Variants in HDAC10 observed in about 807,000 individuals in gnomAD.
The protein encoded by HDAC10 is histone deacetylase 10.
Under a neutral mutation model 82.3 loss-of-function variants are expected in HDAC10, and 90 were observed. The ratio of observed to expected loss-of-function variants is 1.09; its 90% CI spans 0.92 to 1.30. HDAC10 has a LOEUF of 1.30. Among genes scored for constraint, HDAC10 ranks in the 50% most tolerant of loss-of-function variants. HDAC10 has a pLI of 0.00. For missense variants in HDAC10, 934 were observed against 876.3 expected, an observed-to-expected ratio of 1.07 and a Z score of -0.83; for synonymous variants, 456 against 391.7, an observed-to-expected ratio of 1.16 and a Z score of -1.94.
intron 16 of HDAC10, 83 bp downstream of exon 16, chr22:50,246,596 C>T (rs368027444): frequency 1.2e-5 from 16 of 1,387,656 alleles, no homozygotes; most frequent in East Asian, 4.6e-5. Context: ...CCCACCCACC[C>T]GTCACCCTGG....
Position 50,246,326 on chromosome 22 carries a change from A to G in HDAC10, c.1622T>C (p.Met541Thr). The G allele has an allele frequency of 6.2e-7, 1 of 1,613,126 alleles. No individual in the cohort carries two copies. The highest frequency in any genetic ancestry group is 2.2e-5 in the East Asian group (1 of 44,886). The change falls in exon 17 of 20, where the codon ATG becomes ACG. Residue 541 changes from methionine to threonine, a missense_variant. Physicochemically the swap from Met to Thr is moderately conservative, Grantham distance 81 (BLOSUM62 -1). Transcript: ENST00000216271. The part of the protein sequence containing the change: ...IRGKEAAALS[M>T]FHVSTPLPVM... The stretch of plus-strand genomic sequence containing the variant: ...TGGCAGTGGCGTGGAGACATGGAAC[A>G]TGGATAGGGCAGCCGCCTCCTTGCC...
rs768379069 is a variant in HDAC10 at position 50,248,491 on chromosome 22, C to T, written c.907-19G>A. On this transcript the variant is annotated intron_variant, in intron 10 of 19. Coordinates refer to ENST00000216271, the MANE Select transcript of HDAC10 (RefSeq NM_032019.6). The surrounding 1 kb of genome is among the most constrained non-coding windows in gnomAD (Gnocchi z 5.4). ...AGCCGCCCTGGGAGGAGGGTGGAGA[C>T]ATGATTGGGGCAGAGATATCACTGG... The T allele has an allele frequency of 1.9e-6, 3 of 1,596,808 alleles. No individual in the cohort carries two copies. Among genetic ancestry groups the T allele is most frequent in the Non-Finnish European group, 2.6e-6 (3 of 1,175,250 alleles).
At chr22:50,246,157 C>T in intron 17 of HDAC10, 65 bp from the exon 18 acceptor site, 2 of 1,555,598 alleles carry the variant, frequency 1.3e-6, no homozygotes, top group Non-Finnish European at 1.7e-6. Context: ...CTCCCAACCT[C>T]CCAATCTCAG....
At chr22:50,246,996 G>A (rs768498634) in intron 14 of HDAC10, 30 bp from the exon 15 acceptor site, 10 of 1,459,192 alleles carry the variant, frequency 6.9e-6, no homozygotes, top group South Asian at 1.2e-5. Flanking sequence ...TGGAGAATGA[G>A]GCACCAACCA....
chr22:50,248,926 G>A lies in HDAC10; in HGVS notation c.757-36C>T. Reference sequence around the variant, plus strand: ...GGCCGGAGTGGGGAGGGTCGACAGAGAGGGGCTGGAGCCCAGGTGAGGGCG... The same window carrying A: ...GGCCGGAGTGGGGAGGGTCGACAGAAAGGGGCTGGAGCCCAGGTGAGGGCG... On this transcript the variant is annotated intron_variant, in intron 8 of 19. Coordinates refer to ENST00000216271, the MANE Select transcript of HDAC10 (RefSeq NM_032019.6). This position sits in a 1 kb window ranked among gnomAD's most constrained non-coding sequence, Gnocchi z 5.4. 6.3e-7 allele frequency: 1 copy of A among 1,596,906 alleles called. No homozygotes were observed. The highest frequency in any genetic ancestry group is 8.5e-7 in the Non-Finnish European group (1 of 1,171,300).
Position 50,248,899 on chromosome 22 carries a change from C to T in HDAC10, c.757-9G>A. On this transcript the variant is annotated splice_polypyrimidine_tract_variant and intron_variant, in intron 8 of 19. Transcript: ENST00000216271. This position sits in a 1 kb window ranked among gnomAD's most constrained non-coding sequence, Gnocchi z 5.4. ...ACCAGCTCAGGGTCAAACTACAGGC[C>T]AGGCCGGAGTGGGGAGGGTCGACAG... 6.2e-7 allele frequency: 1 copy of T among 1,609,848 alleles called. No individual in the cohort carries two copies. Among genetic ancestry groups the T allele is most frequent in the Non-Finnish European group, 8.5e-7 (1 of 1,178,734 alleles).
At chr22:50,246,570 C>T (rs966576393) in intron 16 of HDAC10, 109 bp downstream of exon 16, 2 of 1,198,736 alleles carry the variant, frequency 1.7e-6, no homozygotes, top group Non-Finnish European at 1.2e-6. Flanking sequence ...AGGCTCCATT[C>T]AGTACCACAC....
intron 16 of HDAC10, 25 bp from the exon 17 acceptor site, chr22:50,246,401 G>A (rs889006872): frequency 1.3e-6 from 2 of 1,588,692 alleles, no homozygotes; most frequent in South Asian, 1.1e-5. Flanking sequence ...GTGCATAAGT[G>A]TAAGGCCCTG....
In HDAC10 at chr22:50,249,775, G is replaced by A; in HGVS notation, c.495-72C>T. The stretch of plus-strand genomic sequence containing the variant: ...CCAGGAGCCCGGCCAGGGATGGGAA[G>A]GTGCTGGCTGGGTTCTCTCGCCTCC... On this transcript the variant is annotated intron_variant, in intron 5 of 19. Transcript: ENST00000216271. This position sits in a 1 kb window ranked among gnomAD's most constrained non-coding sequence, Gnocchi z 4.4. The A allele has an allele frequency of 6.2e-7, 1 of 1,605,454 alleles. No individual in the cohort carries two copies. The highest frequency in any genetic ancestry group is 8.5e-7 in the Non-Finnish European group (1 of 1,174,786).
rs765252229 is a variant in HDAC10, at chr22:50,247,863, CCTT to C, written c.1337+24_1337+26del. The C allele has an allele frequency of 1.5e-5, 24 of 1,612,132 alleles. No individual in the cohort carries two copies. The Admixed American group carries it at 2.5e-4, about 17-fold the overall frequency. On this transcript the variant is annotated intron_variant, in intron 13 of 19. Transcript: ENST00000216271. ...GGCACAGGTGTAGATGCGGCCCCAT[CCTT>C]CTCCCCAGGCCAGCCCTGCCCACCT...
chr22:50,247,453 C>T, intron 14 of HDAC10: 1 of 461,846 alleles, frequency 2.2e-6, no homozygotes, highest in Non-Finnish European at 3.8e-6. Flanking sequence ...CTTTAAATCA[C>T]CCCCTTCACC....
rs1325679716 is a variant in HDAC10 at position 50,250,680 on chromosome 22, G to C, written c.194+91C>G. 5.0e-6 allele frequency: 7 copies of C among 1,401,452 alleles called. No homozygotes were observed. The East Asian group carries it at 9.9e-5, about 20-fold the overall frequency. The allele number at this position is 1,401,452 out of a possible 1,614,324, so 86.8% of individuals were successfully genotyped here. On this transcript the variant is annotated intron_variant, in intron 2 of 19. Transcript: ENST00000216271. ...GCATAGGGAGAGGCTCTGTATTCGAGGCTGGCAGGCTCGGGGTAGGCCCAG... is the reference window on the plus strand; with the variant it reads ...GCATAGGGAGAGGCTCTGTATTCGACGCTGGCAGGCTCGGGGTAGGCCCAG...
At position 50,250,908 on chromosome 22, in the gene HDAC10, G is replaced by A; in HGVS notation, c.60-3C>T. On this transcript the variant is annotated splice_region_variant and splice_polypyrimidine_tract_variant and intron_variant, in intron 1 of 19. Coordinates refer to ENST00000216271, the MANE Select transcript of HDAC10 (RefSeq NM_032019.6). ...GACGCTCGATCTCGCACTCGGGGCT[G>A]GGGCAGATGAGGAGCTCAGTTCAGA... is the stretch of plus-strand genomic sequence containing the variant. The A allele has an allele frequency of 6.2e-7, 1 of 1,604,074 alleles. No individual in the cohort carries two copies. Among genetic ancestry groups the A allele is most frequent in the Non-Finnish European group, 8.5e-7 (1 of 1,175,292 alleles).
chr22:50,250,019 G>A, intron 4 of HDAC10, 44 bp downstream of exon 4: 1 of 1,608,876 alleles, frequency 6.2e-7, no homozygotes, highest in Non-Finnish European at 8.5e-7. Context: ...GCCCCTCACA[G>A]GGCCACCCAC....
rs764175166 is a variant in HDAC10 at position 50,245,547 on chromosome 22, G to A, written c.1987-17C>T. The A allele has an allele frequency of 5.1e-5, 59 of 1,152,144 alleles. No homozygotes were observed. Among genetic ancestry groups the A allele is most frequent in the African/African-American group, 1.5e-5 (1 of 65,856 alleles). The allele number at this position is 1,152,144 out of a possible 1,614,324, so 71.4% of individuals were successfully genotyped here. On this transcript the variant is annotated splice_polypyrimidine_tract_variant and intron_variant, in intron 19 of 19. Coordinates refer to ENST00000216271, the MANE Select transcript of HDAC10 (RefSeq NM_032019.6). ...AGGATGGCACTACAGGAGGAGCCGA[G>A]AAGAGGCGCGCAGTTGGCCTCCGGC...
In HDAC10 at chr22:50,250,515, T is replaced by A; in HGVS notation, c.203A>T (p.Tyr68Phe). 6.2e-7 allele frequency: 1 copy of A among 1,612,026 alleles called. No homozygotes were observed. Among genetic ancestry groups the A allele is most frequent in the Non-Finnish European group, 8.5e-7 (1 of 1,179,374 alleles). The change falls in exon 3 of 20, where the codon TAT becomes TTT. Residue 68 changes from tyrosine (Y) to phenylalanine (F), a missense_variant. Coordinates refer to ENST00000216271, the MANE Select transcript of HDAC10 (RefSeq NM_032019.6). ...CTGGGTCTCCCTGACCAGGGATACA[T>A]ACTCTGGGCTGCATGCAGATGGGCA... ...EELGLVHSPEYVSLVRETQVL... is the reference protein window; with the variant it reads ...EELGLVHSPEFVSLVRETQVL...
In HDAC10 at chr22:50,246,978, A is replaced by G. The variant is rs368055065; in HGVS notation, c.1423-12T>C. Reference sequence around the variant, plus strand: ...ATACCACTGTTCACCTGTGGGATGAATAAACAGTGGAGAATGAGGCACCAA... The same window carrying G: ...ATACCACTGTTCACCTGTGGGATGAGTAAACAGTGGAGAATGAGGCACCAA... On this transcript the variant is annotated splice_polypyrimidine_tract_variant and intron_variant, in intron 14 of 19. Transcript: ENST00000216271. 1.3e-5 allele frequency: 21 copies of G among 1,569,516 alleles called. No individual in the cohort carries two copies. Among genetic ancestry groups the G allele is most frequent in the Admixed American group, 1.8e-5 (1 of 56,474 alleles).
Position 50,249,034 on chromosome 22 carries a change from A to G in HDAC10, c.756+69T>C. 11 of 1,462,860 alleles carry G rather than the reference A, an allele frequency of 7.5e-6. No homozygotes were observed. Among genetic ancestry groups the G allele is most frequent in the Non-Finnish European group, 1.0e-5 (11 of 1,065,230 alleles). 90.6% of individuals were successfully genotyped at this position (1,462,860 alleles called of 1,614,324 possible). ...AGCTCATAACCCTCCTCCTGCCTTC[A>G]CTGGCGCACTCCAGGCACAAGGTCC... On this transcript the variant is annotated intron_variant, in intron 8 of 19. Coordinates refer to ENST00000216271, the MANE Select transcript of HDAC10 (RefSeq NM_032019.6). The surrounding 1 kb of genome is among the most constrained non-coding windows in gnomAD (Gnocchi z 4.4).
rs1245465446 is a variant in HDAC10 at position 50,250,493 on chromosome 22, G to C, written c.225C>G (p.Thr75=). Residue 75 remains threonine, a synonymous_variant, in exon 3 of 20, where the codon ACC becomes ACG. Coordinates refer to ENST00000216271, the MANE Select transcript of HDAC10 (RefSeq NM_032019.6). ...SPEYVSLVRE[T]QVLGKEELQA... is the part of the protein sequence containing the mutation. ...GCAGCTCCTCCTTGCCTAGGACCTG[G>C]GTCTCCCTGACCAGGGATACATACT... 1.2e-5 allele frequency: 19 copies of C among 1,612,774 alleles called. No homozygotes were observed. The highest frequency in any genetic ancestry group is 1.6e-5 in the Non-Finnish European group (19 of 1,179,972).
Sources: allele counts gnomAD v4.1 joint callset, GRCh38; gene constraint gnomAD v4.1.1; non-coding constraint Gnocchi (gnomAD v3.1); transcripts MANE v1.5; gene names NCBI Gene and HGNC (gene_info 2026-07-23, HGNC 2026-07-21).